Variants in C12orf42 observed in about 807,000 individuals in gnomAD.
C12orf42 encodes uncharacterized protein C12orf42.
A neutral mutation model predicts 21.6 loss-of-function variants in C12orf42; 25 were observed. That is an observed-to-expected ratio of 1.16 (90% CI 0.84 to 1.62). C12orf42 has a LOEUF of 1.62. Among genes scored for constraint, C12orf42 ranks in the 40% most tolerant of loss-of-function variants. C12orf42 has a pLI of 0.00. For missense variants in C12orf42, 483 were observed against 459.3 expected, an observed-to-expected ratio of 1.05 and a Z score of -0.47; for synonymous variants, 174 against 175.0, an observed-to-expected ratio of 0.99 and a Z score of 0.05.
chr12:103,307,545 A>T (rs1257962050), intron 4 of C12orf42, among the ~76,000 whole-genome samples: 2 of 152,206 alleles, frequency 1.3e-5, no homozygotes, highest in African/African-American at 4.8e-5. Flanking sequence ...ATTAATGAGC[A>T]GAGCTGGTGC....
In C12orf42 at chr12:103,248,397, A is replaced by C. The variant is rs539592096; in HGVS notation, c.*1367-10495T>G. 4.1e-4 allele frequency among the ~76,000 whole-genome samples: 62 copies of C among 152,228 alleles called. No individual in the cohort carries two copies. In the South Asian group the frequency reaches 0.013, roughly 31 times the overall value. ...TAAAGTACTCAAAATAATTTGACTT[A>C]AACTCTAAAGCAGAGTGTTCGGAGC... On this transcript the variant is annotated intron_variant and NMD_transcript_variant, in intron 10 of 10. Coordinates refer to the C12orf42 transcript ENST00000547347.
At chr12:103,061,647 T>C in the C12orf42 span, among the ~76,000 whole-genome samples, 6 of 151,976 alleles carry the variant, frequency 3.9e-5, no homozygotes, top group Non-Finnish European at 7.4e-5. Flanking sequence ...TCTTTAATAA[T>C]TTTTTTGTTA....
At chr12:103,202,399 T>C in the C12orf42 span, among the ~76,000 whole-genome samples, 5 of 152,222 alleles carry the variant, frequency 3.3e-5, no homozygotes, top group East Asian at 9.6e-4. Flanking sequence ...ACTTCTTCTT[T>C]CCAAGATTTT....
chr12:103,500,892 A>G (rs929518566), upstream of C12orf42, among the ~76,000 whole-genome samples: 1 of 152,266 alleles, frequency 6.6e-6, no homozygotes, highest in African/African-American at 2.4e-5. Flanking sequence ...AGACAAGAAA[A>G]GAAACCTTCC....
chr12:103,160,815 C>T, the C12orf42 span, among the ~76,000 whole-genome samples: 2 of 152,206 alleles, frequency 1.3e-5, no homozygotes, highest in Admixed American at 6.5e-5. Flanking sequence ...GACATACCAA[C>T]ATAGTGTAGT....
At chr12:103,436,851 C>T (rs1160696818) in intron 2 of C12orf42, among the ~76,000 whole-genome samples, 2 of 149,888 alleles carry the variant, frequency 1.3e-5, no homozygotes, top group Non-Finnish European at 3.0e-5. Context: ...ATCAATGAGA[C>T]AGAAAGTCAA....
the C12orf42 span, among the ~76,000 whole-genome samples, chr12:103,116,382 ATAT>A: frequency 1.6e-5 from 1 of 61,734 alleles, no homozygotes; most frequent in Admixed American, 1.9e-4. Context: ...AAAAAAAAAA[ATAT>A]ATATATATAT....
At position 103,380,355 on chromosome 12, in the gene C12orf42, A is replaced by ATT. The variant is rs903899750; in HGVS notation, c.148-11359_148-11358dup. Among the ~76,000 whole-genome samples, 29 of 150,468 alleles carry ATT rather than the reference A, an allele frequency of 1.9e-4. 1 individual carries two copies. The highest frequency in any genetic ancestry group is 6.8e-4 in the African/African-American group (28 of 41,130). ...TAAACAGATGTTAAGCTTCTGTGAG[A>ATT]TTTTTTTTTTGTAAACTGTTATTTC... On this transcript the variant is annotated intron_variant, in intron 3 of 5. Transcript: ENST00000548883.
chr12:103,392,795 T>C (rs1220245640), intron 3 of C12orf42, among the ~76,000 whole-genome samples: 2 of 152,214 alleles, frequency 1.3e-5, no homozygotes, highest in Non-Finnish European at 2.9e-5. Flanking sequence ...CATGAACTAG[T>C]AATACATGAG....
chr12:103,262,084 C>A (rs925487565), intron 10 of C12orf42, among the ~76,000 whole-genome samples: 1 of 152,108 alleles, frequency 6.6e-6, no homozygotes, highest in Admixed American at 6.6e-5. Flanking sequence ...CGGTTTGTAC[C>A]TGGAAATGGT....
the C12orf42 span, among the ~76,000 whole-genome samples, chr12:103,219,076 C>T: frequency 1.1e-4 from 17 of 152,254 alleles, no homozygotes; most frequent in South Asian, 2.9e-3. Flanking sequence ...CTGTTCATTC[C>T]CCTGGAAAGG....
the C12orf42 span, among the ~76,000 whole-genome samples, chr12:103,539,954 T>C: frequency 1.3e-5 from 2 of 152,164 alleles, no homozygotes; most frequent in Non-Finnish European, 2.9e-5. Context: ...GAGACAATTT[T>C]TTACTTCATA....
chr12:103,488,986 A>T (rs1171437855), intron 1 of C12orf42, among the ~76,000 whole-genome samples: 2 of 152,062 alleles, frequency 1.3e-5, no homozygotes, highest in East Asian at 3.9e-4. Context: ...GCTTTGTTCC[A>T]TTGCTGGCAA....
chr12:103,468,743 C>G (rs565250923), intron 2 of C12orf42, among the ~76,000 whole-genome samples: 22 of 151,834 alleles, frequency 1.4e-4, no homozygotes, highest in African/African-American at 5.3e-4. Context: ...AAAAACGGGT[C>G]GATGAATTCA....
chr12:103,533,486 C>A, the C12orf42 span, among the ~76,000 whole-genome samples: 9 of 152,172 alleles, frequency 5.9e-5, 1 homozygote, highest in Admixed American at 2.6e-4. Flanking sequence ...TCTGGATGAC[C>A]CCCGGGTCTA....
the C12orf42 span, among the ~76,000 whole-genome samples, chr12:103,086,888 C>G: frequency 2.0e-5 from 3 of 152,042 alleles, no homozygotes; most frequent in African/African-American, 7.2e-5. Context: ...CAAGGTCACA[C>G]AAAATCAGTA....
chr12:103,072,319 A>T, the C12orf42 span, among the ~76,000 whole-genome samples: 1 of 152,132 alleles, frequency 6.6e-6, no homozygotes, highest in Non-Finnish European at 1.5e-5. Context: ...CAAAATGTCT[A>T]TATTGGTTTA....
intron 1 of C12orf42, among the ~76,000 whole-genome samples, chr12:103,481,471 T>C (rs945839871): frequency 1.3e-5 from 2 of 151,962 alleles, no homozygotes; most frequent in Admixed American, 1.3e-4. Context: ...TATTTAAAAG[T>C]AAAGGGAAGG....
the C12orf42 span, among the ~76,000 whole-genome samples, chr12:103,158,805 G>A: frequency 8.8e-4 from 133 of 151,582 alleles, no homozygotes; most frequent in Admixed American, 1.4e-3. Context: ...ACTTAAACCC[G>A]GGAGGCGGAG....
Sources: allele counts gnomAD v4.1 joint callset (sites outside exome capture counted in the v4.1 genomes callset), GRCh38; gene constraint gnomAD v4.1.1; transcripts MANE v1.5; gene names NCBI Gene and HGNC (gene_info 2026-07-23, HGNC 2026-07-21).